The following FLACC1 variants were observed in gnomAD, a reference collection of about 807,000 sequenced individuals.
FLACC1 encodes flagellum associated containing coiled-coil domains 1, also known as flagellum-associated coiled-coil domain-containing protein 1.
In FLACC1, 66 loss-of-function variants were observed where a neutral mutation model predicts 62.8. The ratio of observed to expected loss-of-function variants is 1.05; its 90% confidence interval spans 0.86 to 1.29. FLACC1 has a LOEUF of 1.29. FLACC1 is among the 50% of genes most tolerant of loss of function. FLACC1 has a pLI of 0.00. For synonymous variants in FLACC1, 156 were observed against 161.0 expected (o/e 0.97, Z 0.24); for missense variants, 452 against 489.1 (o/e 0.92, Z 0.71).
intron 12 of FLACC1, among the ~76,000 whole-genome samples, chr2:201,293,167 C>T (rs1474218441): frequency 6.6e-5 from 10 of 152,282 alleles, no homozygotes; most frequent in East Asian, 3.9e-4. Flanking sequence ...CTGCACCAAG[C>T]AGACCTAATA....
At chr2:201,324,197 C>G (rs571981702) in intron 9 of FLACC1, among the ~76,000 whole-genome samples, 1 of 152,156 alleles carries the variant, frequency 6.6e-6, no homozygotes, top group South Asian at 2.1e-4. Flanking sequence ...CAAAAGCAAG[C>G]AGGAGTAGCT....
At position 201,330,773 on chromosome 2, in the gene FLACC1, G is replaced by A. The variant is rs1950577659; in HGVS notation, c.585C>T (p.Ala195=). 1.9e-6 allele frequency: 3 copies of A among 1,613,892 alleles called. No individual in the cohort carries two copies. Among genetic ancestry groups the A allele is most frequent in the Non-Finnish European group, 2.5e-6 (3 of 1,180,002 alleles). Residue 195 remains alanine, a synonymous_variant, in exon 8 of 15, where the codon GCC becomes GCT. Transcript: ENST00000392257. ...LSELENNYKA[A]LKAEKLAAQE... ...GGGCAGCCAACTTCTCTGCCTTCAA[G>A]GCTGCTTTGTAGTTGTTCTCCAACT... is the stretch of plus-strand genomic sequence containing the variant.
Position 201,346,727 on chromosome 2 carries a change from T to A in FLACC1, c.235-52A>T. ...AATGGCAGACTTGGAGTGCTGAGAT[T>A]TTTCCAAATCTTCTCTTATTGCCTC... On this transcript the variant is annotated intron_variant, in intron 4 of 14. Coordinates refer to ENST00000392257, the MANE Select transcript of FLACC1 (RefSeq NM_001127391.3). This position sits in a 1 kb window ranked among gnomAD's most constrained non-coding sequence, Gnocchi z 4.0. 1.2e-6 allele frequency: 2 copies of A among 1,609,030 alleles called. No homozygotes were observed. The highest frequency in any genetic ancestry group is 1.1e-5 in the South Asian group (1 of 90,922).
chr2:201,349,323 G>A (rs1208405238), intron 3 of FLACC1, among the ~76,000 whole-genome samples: 2 of 152,284 alleles, frequency 1.3e-5, no homozygotes, highest in Middle Eastern at 3.4e-3. Flanking sequence ...CTTGCCCCAG[G>A]CATCATTGAG....
chr2:201,363,572 C>A, the FLACC1 span, among the ~76,000 whole-genome samples: 1 of 152,102 alleles, frequency 6.6e-6, no homozygotes, highest in Admixed American at 6.5e-5. Context: ...GCATTCGGAG[C>A]ACCCATTTTC....
At chr2:201,339,462 T>G (rs1950762675) in intron 7 of FLACC1, among the ~76,000 whole-genome samples, 2 of 152,126 alleles carry the variant, frequency 1.3e-5, no homozygotes, top group South Asian at 4.1e-4. Context: ...ATTTTGGGCT[T>G]GGTTTTCCAA....
Position 201,300,960 on chromosome 2 carries a change from A to G in FLACC1, c.880-1660T>C, listed in dbSNP as rs577202040. On this transcript the variant is annotated intron_variant, in intron 11 of 14. Transcript: ENST00000392257. ...TCAAACACCAAAGGTAGATAAAACCACAAAGATGGGGGGAAACCAGAGCAG... is the reference window on the plus strand; with the variant it reads ...TCAAACACCAAAGGTAGATAAAACCGCAAAGATGGGGGGAAACCAGAGCAG... 1.2e-4 allele frequency among the ~76,000 whole-genome samples: 18 copies of G among 152,292 alleles called. No individual in the cohort carries two copies. The South Asian group carries it at 3.7e-3, about 32-fold the overall frequency.
chr2:201,311,927 C>A (rs531763597), intron 9 of FLACC1, among the ~76,000 whole-genome samples: 1 of 152,252 alleles, frequency 6.6e-6, no homozygotes, highest in South Asian at 2.1e-4. Flanking sequence ...AAGGAACTTA[C>A]TTCAAAATAA....
At chr2:201,313,445 C>A (rs1950253313) in intron 9 of FLACC1, among the ~76,000 whole-genome samples, 1 of 152,046 alleles carries the variant, frequency 6.6e-6, no homozygotes, top group Admixed American at 6.6e-5. Context: ...CCAGTTTACC[C>A]CTACTTCCCT....
intron 12 of FLACC1, among the ~76,000 whole-genome samples, chr2:201,290,461 G>A (rs1372644154): frequency 6.6e-6 from 1 of 152,132 alleles, no homozygotes; most frequent in Non-Finnish European, 1.5e-5. Context: ...GCTCTAAAAA[G>A]TAGCTTCTTG....
upstream of FLACC1, among the ~76,000 whole-genome samples, chr2:201,358,703 C>T (rs1313723380): frequency 6.6e-6 from 1 of 152,104 alleles, no homozygotes; most frequent in Non-Finnish European, 1.5e-5. Flanking sequence ...AGGCGTGAGC[C>T]ACTGCGCCCG....
At chr2:201,303,946 A>G (rs934655820) in intron 11 of FLACC1, among the ~76,000 whole-genome samples, 4 of 152,212 alleles carry the variant, frequency 2.6e-5, no homozygotes, top group Non-Finnish European at 4.4e-5. Context: ...AATAAGAGCT[A>G]CCTATGACAA....
chr2:201,296,055 C>T (rs1248368445), intron 12 of FLACC1, among the ~76,000 whole-genome samples: 2 of 152,062 alleles, frequency 1.3e-5, no homozygotes, highest in East Asian at 3.9e-4. Flanking sequence ...CACTTTTACA[C>T]TGTTGGTGGG....
At chr2:201,334,072 C>G (rs556586139) in intron 7 of FLACC1, among the ~76,000 whole-genome samples, 98 of 152,334 alleles carry the variant, frequency 6.4e-4, no homozygotes, top group African/African-American at 2.0e-3. Flanking sequence ...TCTCCAGCAC[C>G]TGTTGTTTCC....
intron 11 of FLACC1, among the ~76,000 whole-genome samples, chr2:201,305,494 AACTAGT>A (rs1950084174): frequency 6.6e-6 from 1 of 152,230 alleles, no homozygotes; most frequent in African/African-American, 2.4e-5. Flanking sequence ...TGGGACTGTA[AACTAGT>A]TCAACCATTG....
chr2:201,299,245 G>A lies in FLACC1; in HGVS notation c.935C>T (p.Thr312Ile), dbSNP rs778324754. ...DTLQLEELRK[T>I]KEVMQEELHA... is the part of the protein sequence containing the mutation. Reference sequence around the variant, plus strand: ...AAGGATGAAAAAGCTTACCTCTTTGGTTTTTCTCAGCTCTTCTAATTGCAA... The same window carrying A: ...AAGGATGAAAAAGCTTACCTCTTTGATTTTTCTCAGCTCTTCTAATTGCAA... The change falls in exon 12 of 15, where the codon ACC becomes ATC. Residue 312 changes from threonine (T) to isoleucine (I), a missense_variant. Coordinates refer to ENST00000392257, the MANE Select transcript of FLACC1 (RefSeq NM_001127391.3). 6 of 1,613,336 alleles carry A rather than the reference G, an allele frequency of 3.7e-6. No homozygotes were observed. In the East Asian group the frequency reaches 1.1e-4, roughly 30 times the overall value.
In FLACC1 at chr2:201,351,466, C is replaced by A. The variant is rs1951028077; in HGVS notation, c.-47-15G>T. ...GGAGGCTCTTGCTGAAATTGAAAAACAACAGCAGAAGGTTAAACCATTTAG... is the reference window on the plus strand; with the variant it reads ...GGAGGCTCTTGCTGAAATTGAAAAAAAACAGCAGAAGGTTAAACCATTTAG... On this transcript the variant is annotated splice_polypyrimidine_tract_variant and intron_variant, in intron 1 of 14. Coordinates refer to ENST00000392257, the MANE Select transcript of FLACC1 (RefSeq NM_001127391.3). 1 of 1,266,530 alleles carries A rather than the reference C, an allele frequency of 7.9e-7. No individual in the cohort carries two copies. The highest frequency in any genetic ancestry group is 1.1e-6 in the Non-Finnish European group (1 of 873,054). 78.5% of individuals were successfully genotyped at this position (1,266,530 alleles called of 1,614,324 possible). A position where few individuals can be genotyped will look rare whatever the true frequency, so the allele number is the denominator to read the frequency against.
At chr2:201,296,047 C>G (rs1949853874) in intron 12 of FLACC1, among the ~76,000 whole-genome samples, 1 of 152,068 alleles carries the variant, frequency 6.6e-6, no homozygotes, top group Non-Finnish European at 1.5e-5. Context: ...AACAGGAACA[C>G]TTTTACACTG....
rs1030241418 is a variant in FLACC1, at chr2:201,346,519, G to A, written c.368+23C>T. 12 of 1,611,932 alleles carry A rather than the reference G, an allele frequency of 7.4e-6. No homozygotes were observed. Among genetic ancestry groups the A allele is most frequent in the Admixed American group, 1.7e-5 (1 of 59,996 alleles). On this transcript the variant is annotated intron_variant, in intron 5 of 14. Transcript: ENST00000392257. The surrounding 1 kb of genome is among the most constrained non-coding windows in gnomAD (Gnocchi z 4.0). ...TGGGTGGGAGTAGCCCCAAGCAGCTGCATGTTGCTGCAACAGCATTACCTG... is the reference window on the plus strand; with the variant it reads ...TGGGTGGGAGTAGCCCCAAGCAGCTACATGTTGCTGCAACAGCATTACCTG...
Sources: gnomAD v4.1 joint callset for allele counts (sites outside exome capture counted in the v4.1 genomes callset) on GRCh38, gnomAD v4.1.1 for gene constraint, Gnocchi (gnomAD v3.1) non-coding constraint, MANE v1.5 for transcripts, NCBI Gene and HGNC (gene_info 2026-07-23, HGNC 2026-07-21) for gene names.